The following ERCC1 variants were observed in gnomAD, a reference collection of about 807,000 sequenced individuals.
ERCC1 encodes ERCC excision repair 1, endonuclease non-catalytic subunit.
A neutral mutation model predicts 37.6 loss-of-function variants in ERCC1; 36 were observed. That is an observed-to-expected ratio of 0.96 (90% CI 0.73 to 1.26). The LOEUF is 1.26. Ranked by LOEUF, ERCC1 falls within the 50% of genes most tolerant of loss-of-function variation. ERCC1 has a pLI of 0.00. For synonymous variants in ERCC1, 156 were observed against 162.1 expected, an observed-to-expected ratio of 0.96 and a Z score of 0.28; for missense variants, 349 against 376.5, an observed-to-expected ratio of 0.93 and a Z score of 0.60.
chr19:45,443,562 C>T (rs766562793), intron 1 of ERCC1, among the ~76,000 whole-genome samples: 7 of 152,176 alleles, frequency 4.6e-5, no homozygotes, highest in Non-Finnish European at 7.4e-5. Flanking sequence ...CCAGGCGTCT[C>T]CCTTGGGATG....
intron 9 of ERCC1, 176 bp from the exon 10 acceptor site, chr19:45,409,901 T>TA (rs1973601463): frequency 1.2e-5 from 3 of 242,084 alleles, no homozygotes; most frequent in Admixed American, 6.8e-5. Context: ...TATTATTTTT[T>TA]TTTTTTTTGA....
At chr19:45,432,335 G>A (rs1396837324) in intron 1 of ERCC1, among the ~76,000 whole-genome samples, 1 of 151,078 alleles carries the variant, frequency 6.6e-6, no homozygotes, top group Non-Finnish European at 1.5e-5. Context: ...TAGAGATGGG[G>A]GTCTTGTTGC....
intron 9 of ERCC1, among the ~76,000 whole-genome samples, chr19:45,411,504 C>T (rs191020066): frequency 1.3e-5 from 2 of 151,906 alleles, no homozygotes; most frequent in East Asian, 3.9e-4. Context: ...GGATAAAAGC[C>T]ATTTTAAGGC....
chr19:45,409,037 CTGGAGT>C lies in ERCC1; in HGVS notation c.*632_*637del, dbSNP rs764185055. 1 of 1,614,090 alleles carries C rather than the reference CTGGAGT, an allele frequency of 6.2e-7. No individual in the cohort carries two copies. The highest frequency in any genetic ancestry group is 8.5e-7 in the Non-Finnish European group (1 of 1,180,026). On this transcript the variant is annotated 3_prime_UTR_variant, in exon 10 of 10. Coordinates refer to ENST00000300853, the MANE Select transcript of ERCC1 (RefSeq NM_001983.4). ...GCCAGTGGAGCCGGAGATGAAGCCT[CTGGAGT>C]CCCCAGGGGGGACCATGGCGCCTCA...
At chr19:45,433,089 T>C (rs1412256967) in intron 1 of ERCC1, among the ~76,000 whole-genome samples, 2 of 148,700 alleles carry the variant, frequency 1.3e-5, no homozygotes, top group African/African-American at 5.0e-5. Flanking sequence ...TCAAAATAAA[T>C]AAATAAATAA....
intron 1 of ERCC1, chr19:45,436,586 A>C (rs1974985126): frequency 6.6e-6 from 1 of 152,444 alleles, no homozygotes; most frequent in Non-Finnish European, 1.5e-5. Flanking sequence ...AGATCACGCC[A>C]CTGCACTCCA....
upstream of ERCC1, among the ~76,000 whole-genome samples, chr19:45,428,622 G>C (rs991086872): frequency 6.6e-6 from 1 of 152,194 alleles, no homozygotes; most frequent in African/African-American, 2.4e-5. Flanking sequence ...CGAGCCCTTT[G>C]TTCGCCCCGG....
At chr19:45,421,427 T>G (rs753505588) in intron 2 of ERCC1, 34 bp from the exon 3 acceptor site, 1 of 1,528,068 alleles carries the variant, frequency 6.5e-7, no homozygotes, top group African/African-American at 1.4e-5. Flanking sequence ...AGGGGACTGG[T>G]TGGGGTGAGC....
At chr19:45,446,509 G>A (rs147556644) in intron 1 of ERCC1, among the ~76,000 whole-genome samples, 215 of 152,250 alleles carry the variant, frequency 1.4e-3, no homozygotes, top group Non-Finnish European at 2.7e-3. Context: ...CAAAGAGGTC[G>A]CTTAACTTGC....
intron 9 of ERCC1, among the ~76,000 whole-genome samples, chr19:45,411,938 G>A (rs1194588205): frequency 6.6e-6 from 1 of 150,854 alleles, no homozygotes; most frequent in Non-Finnish European, 1.5e-5. Flanking sequence ...CTCACTGCAA[G>A]CTCTGCCTCC....
rs577859936 is a variant in ERCC1 at position 45,445,929 on chromosome 19, C to T, written c.-7-22548G>A. 8.5e-5 allele frequency among the ~76,000 whole-genome samples: 13 copies of T among 152,256 alleles called. No homozygotes were observed. The South Asian group carries it at 2.7e-3, about 32-fold the overall frequency. On this transcript the variant is annotated intron_variant, in intron 1 of 8. Coordinates refer to the ERCC1 transcript ENST00000423698. ...TTGAGACAGAGTTTCTTTCTTGCTG[C>T]CCAAGCTGGAGTGCAATGGCGTGGT... is the stretch of plus-strand genomic sequence containing the variant.
intron 1 of ERCC1, among the ~76,000 whole-genome samples, chr19:45,435,383 T>G (rs762113121): frequency 2.2e-4 from 33 of 152,196 alleles, no homozygotes; most frequent in Non-Finnish European, 4.1e-4. Flanking sequence ...CAAGGCCACA[T>G]AGCAGGTAAA....
At chr19:45,434,106 T>C (rs1167197039) in intron 1 of ERCC1, among the ~76,000 whole-genome samples, 3 of 139,172 alleles carry the variant, frequency 2.2e-5, no homozygotes, top group Non-Finnish European at 4.5e-5. Context: ...ATTGTGCCAC[T>C]GCACTCCAGC....
chr19:45,420,373 CGT>C lies in ERCC1; in HGVS notation c.374_375del (p.Asp125GlyfsTer62). ...TGGCCCAGCACATAGTCGGGAATTA[CGT>C]CGCCAAATTCCCAGGGCACATTGCG... ...FVRNVPWEFG[D>X]VIPDYVLGQS... On this transcript the variant is annotated frameshift_variant, in exon 4 of 10. Transcript: ENST00000300853. LOFTEE classifies it high-confidence loss of function. This position sits in a 1 kb window ranked among gnomAD's most constrained non-coding sequence, Gnocchi z 4.8. The C allele has an allele frequency of 6.2e-7, 1 of 1,613,902 alleles. No homozygotes were observed. Among genetic ancestry groups the C allele is most frequent in the Non-Finnish European group, 8.5e-7 (1 of 1,179,896 alleles).
chr19:45,450,166 G>C (rs1215891074), intron 1 of ERCC1, among the ~76,000 whole-genome samples: 1 of 152,166 alleles, frequency 6.6e-6, no homozygotes, highest in African/African-American at 2.4e-5. Flanking sequence ...CAAGGTTCCG[G>C]AGTGGGTAAC....
rs1419502731 is a variant in ERCC1 at position 45,408,930 on chromosome 19, C to G, written c.*745G>C. The G allele has an allele frequency of 1.9e-6, 3 of 1,614,048 alleles. No homozygotes were observed. Among genetic ancestry groups the G allele is most frequent in the Non-Finnish European group, 2.5e-6 (3 of 1,179,996 alleles). On this transcript the variant is annotated 3_prime_UTR_variant, in exon 10 of 10. Transcript: ENST00000300853. ...GTGAAGGTGGAGCCACTGGAGGAAG[C>G]CATCCCTCTGCCCCCTACGAAGAAG...
chr19:45,448,012 C>T (rs111241808), intron 1 of ERCC1, among the ~76,000 whole-genome samples: 328 of 152,258 alleles, frequency 2.2e-3, no homozygotes, highest in African/African-American at 7.7e-3. Flanking sequence ...GCTGGGACTA[C>T]AGGTGTATGC....
At chr19:45,416,328 C>T (rs1034182279) in intron 6 of ERCC1, among the ~76,000 whole-genome samples, 3 of 152,246 alleles carry the variant, frequency 2.0e-5, no homozygotes, top group African/African-American at 7.2e-5. Context: ...CTTATTTTCC[C>T]GCTGCAGCAA....
intron 1 of ERCC1, among the ~76,000 whole-genome samples, chr19:45,440,005 G>C (rs2123600260): frequency 6.6e-6 from 1 of 152,222 alleles, no homozygotes; most frequent in Non-Finnish European, 1.5e-5. Flanking sequence ...CAGCGCTTCC[G>C]GGGAGCGGAA....
Sources: allele counts gnomAD v4.1 joint callset (sites outside exome capture counted in the v4.1 genomes callset), GRCh38; gene constraint gnomAD v4.1.1; non-coding constraint Gnocchi (gnomAD v3.1); transcripts MANE v1.5; gene names NCBI Gene and HGNC (gene_info 2026-07-23, HGNC 2026-07-21).